Variants in ADAMTSL1 observed in about 807,000 individuals in gnomAD.
ADAMTSL1 encodes the protein ADAMTS like 1.
Under a neutral mutation model 201.8 loss-of-function variants are expected in ADAMTSL1, and 126 were observed. That is an observed-to-expected ratio of 0.62 (90% CI 0.54 to 0.72). The LOEUF is 0.72. ADAMTSL1 is among the 30% of genes least tolerant of loss of function. The pLI, the probability that ADAMTSL1 is intolerant of heterozygous loss-of-function variation, is 0.00. For synonymous variants in ADAMTSL1, 1,121 were observed against 903.4 expected, an observed-to-expected ratio of 1.24 and a Z score of -4.32; for missense variants, 2,679 against 2,277.8, an observed-to-expected ratio of 1.18 and a Z score of -3.59.
intron 1 of ADAMTSL1, among the ~76,000 whole-genome samples, chr9:18,133,106 C>T (rs752212849): frequency 5.9e-5 from 9 of 152,092 alleles, no homozygotes; most frequent in Non-Finnish European, 1.2e-4. Flanking sequence ...GGTTCAGACT[C>T]TCCTCCGGAA....
intron 1 of ADAMTSL1, among the ~76,000 whole-genome samples, chr9:18,020,366 T>A (rs1820430653): frequency 2.0e-5 from 3 of 152,086 alleles, no homozygotes. Flanking sequence ...ATTGTGGCTT[T>A]TATCCTGAGT....
intron 2 of ADAMTSL1, among the ~76,000 whole-genome samples, chr9:18,297,169 A>T (rs1176458117): frequency 6.6e-6 from 1 of 152,130 alleles, no homozygotes; most frequent in Non-Finnish European, 1.5e-5. Flanking sequence ...GTATTATCTC[A>T]TGTCCCATTT....
chr9:18,660,104 A>T (rs1282190276), intron 8 of ADAMTSL1, among the ~76,000 whole-genome samples: 1 of 152,176 alleles, frequency 6.6e-6, no homozygotes, highest in South Asian at 2.1e-4. Flanking sequence ...GGAAATGAAG[A>T]AGTAGAACTA....
intron 7 of ADAMTSL1, among the ~76,000 whole-genome samples, chr9:18,650,960 A>G (rs1389990443): frequency 6.6e-6 from 1 of 152,232 alleles, no homozygotes; most frequent in Non-Finnish European, 1.5e-5. Context: ...TAATGTATAT[A>G]AAAGTGGATA....
intron 1 of ADAMTSL1, among the ~76,000 whole-genome samples, chr9:18,067,623 A>G (rs921085862): frequency 6.6e-6 from 1 of 152,162 alleles, no homozygotes; most frequent in Non-Finnish European, 1.5e-5. Context: ...ATATGAAGAG[A>G]TATTATTCAC....
intron 26 of ADAMTSL1, among the ~76,000 whole-genome samples, chr9:18,893,742 C>T (rs1013661919): frequency 6.6e-6 from 1 of 152,212 alleles, no homozygotes; most frequent in Non-Finnish European, 1.5e-5. Context: ...ACTGTAGATG[C>T]TTCTCAAACC....
At chr9:18,068,215 T>TAA (rs1257794339) in intron 1 of ADAMTSL1, among the ~76,000 whole-genome samples, 1 of 152,120 alleles carries the variant, frequency 6.6e-6, no homozygotes, top group African/African-American at 2.4e-5. Context: ...AGTGAGAGTG[T>TAA]AAGTGCAGTT....
At chr9:18,249,610 A>G (rs1184785568) in intron 2 of ADAMTSL1, among the ~76,000 whole-genome samples, 1 of 152,188 alleles carries the variant, frequency 6.6e-6, no homozygotes, top group Non-Finnish European at 1.5e-5. Flanking sequence ...TTATTGTTTC[A>G]TGCTTAATTA....
rs142275052 is a variant in ADAMTSL1 at position 18,184,014 on chromosome 9, G to A, written c.207+20033G>A. Among the ~76,000 whole-genome samples, 659 of 152,302 alleles carry A rather than the reference G, an allele frequency of 4.3e-3. 5 individuals carry two copies. Among genetic ancestry groups the A allele is most frequent in the African/African-American group, 0.015 (624 of 41,578 alleles). On this transcript the variant is annotated intron_variant, in intron 2 of 29. Transcript: ENST00000680146. ...GGTCATAGAATAAACTCACCCTGTT[G>A]TCTTATTTCCCAGTGCTGTCTAAAA...
intron 4 of ADAMTSL1, among the ~76,000 whole-genome samples, chr9:18,604,785 A>G (rs1248115192): frequency 6.6e-6 from 1 of 152,192 alleles, no homozygotes; most frequent in African/African-American, 2.4e-5. Flanking sequence ...CAAAAGTAGC[A>G]TTACAGAATC....
chr9:18,274,733 A>C (rs970033787), intron 2 of ADAMTSL1, among the ~76,000 whole-genome samples: 1 of 152,314 alleles, frequency 6.6e-6, no homozygotes, highest in Non-Finnish European at 1.5e-5. Context: ...AAAATGAGGC[A>C]AATCGTTGCA....
In ADAMTSL1 at chr9:18,386,450, C is replaced by T. The variant is rs184822666; in HGVS notation, c.208-118379C>T. ...TGGGTTCAGAATTACTTCTGTGTTCCCCACAAATTTGCTATCAGACTTCTT... is the reference window on the plus strand; with the variant it reads ...TGGGTTCAGAATTACTTCTGTGTTCTCCACAAATTTGCTATCAGACTTCTT... On this transcript the variant is annotated intron_variant, in intron 2 of 29. Transcript: ENST00000680146. Among the ~76,000 whole-genome samples, 25 of 152,156 alleles carry T rather than the reference C, an allele frequency of 1.6e-4. 1 individual carries two copies. Among genetic ancestry groups the T allele is most frequent in the Admixed American group, 8.5e-4 (13 of 15,260 alleles).
At chr9:18,617,594 T>C (rs1022786597) in intron 4 of ADAMTSL1, among the ~76,000 whole-genome samples, 5 of 152,144 alleles carry the variant, frequency 3.3e-5, no homozygotes, top group Non-Finnish European at 5.9e-5. Flanking sequence ...TTAAGTGTGC[T>C]TGCTCAACTC....
At chr9:18,494,559 T>A (rs1296177981) in intron 1 of ADAMTSL1, among the ~76,000 whole-genome samples, 1 of 152,172 alleles carries the variant, frequency 6.6e-6, no homozygotes, top group East Asian at 1.9e-4. Context: ...TCACAGCACC[T>A]GTGTTACTGA....
intron 15 of ADAMTSL1, among the ~76,000 whole-genome samples, chr9:18,744,942 A>C (rs1819048154): frequency 6.6e-6 from 1 of 152,222 alleles, no homozygotes; most frequent in African/African-American, 2.4e-5. Context: ...ATAACACAGA[A>C]GTGTGCTATG....
chr9:17,946,775 T>A (rs575053634), intron 1 of ADAMTSL1, among the ~76,000 whole-genome samples: 29 of 152,286 alleles, frequency 1.9e-4, no homozygotes, highest in African/African-American at 7.0e-4. Flanking sequence ...ATTTCTTAAT[T>A]TCAAGGTCTT....
chr9:18,297,524 T>A (rs1041133793), intron 2 of ADAMTSL1, among the ~76,000 whole-genome samples: 2 of 152,164 alleles, frequency 1.3e-5, no homozygotes, highest in East Asian at 3.9e-4. Flanking sequence ...GAACTGCAAG[T>A]TGCCACACGA....
chr9:18,682,154 C>T (rs1159526804), intron 12 of ADAMTSL1, among the ~76,000 whole-genome samples, 195 bp downstream of exon 12: 1 of 152,166 alleles, frequency 6.6e-6, no homozygotes, highest in African/African-American at 2.4e-5. Flanking sequence ...TCATTAACCA[C>T]TACATGTAGA....
intron 2 of ADAMTSL1, among the ~76,000 whole-genome samples, chr9:18,199,332 C>G (rs1206136910): frequency 6.6e-6 from 1 of 151,936 alleles, no homozygotes; most frequent in African/African-American, 2.4e-5. Context: ...TTGAAATATG[C>G]AGGTCAGTGT....
Sources: gnomAD v4.1 joint callset for allele counts (sites outside exome capture counted in the v4.1 genomes callset) on GRCh38, gnomAD v4.1.1 for gene constraint, MANE v1.5 for transcripts, NCBI Gene and HGNC (gene_info 2026-07-23, HGNC 2026-07-21) for gene names.